NSMCE2: variants seen among roughly 807,000 people sequenced by gnomAD.
NSMCE2 encodes E3 SUMO-protein ligase NSE2.
In NSMCE2, 24 loss-of-function variants were observed where a neutral mutation model predicts 23.8. The observed-to-expected ratio is 1.01, with a 90% CI of 0.73 to 1.42. The LOEUF (loss-of-function observed/expected upper bound fraction) is 1.42. NSMCE2 is among the 40% of genes most tolerant of loss of function. The probability of loss-of-function intolerance (pLI) is 0.00; values close to 1 mark genes in which losing one functional copy is unlikely to be tolerated. For missense variants in NSMCE2, 284 were observed against 296.5 expected (o/e 0.96, Z 0.31); for synonymous variants, 92 against 94.1 (o/e 0.98, Z 0.13).
At chr8:125,366,118 G>A (rs10808543) in intron 7 of NSMCE2, among the ~76,000 whole-genome samples, 120,853 of 152,116 alleles carry the variant, frequency 0.79, 48,177 homozygotes, top group African/African-American at 0.85. Flanking sequence ...AGTCCAGCCA[G>A]TGAAGCTGTG....
At chr8:125,127,421 A>G (rs995869868) in intron 3 of NSMCE2, among the ~76,000 whole-genome samples, 1 of 152,226 alleles carries the variant, frequency 6.6e-6, no homozygotes, top group African/African-American at 2.4e-5. Flanking sequence ...TTTAAGAAAC[A>G]AAAGTATGTT....
At chr8:125,178,144 A>AT (rs1822586726) in intron 4 of NSMCE2, among the ~76,000 whole-genome samples, 1 of 151,948 alleles carries the variant, frequency 6.6e-6, no homozygotes, top group Non-Finnish European at 1.5e-5. Flanking sequence ...AATAGTAATC[A>AT]TTTTTTTTAA....
At chr8:125,309,465 GT>G (rs1462260280) in intron 5 of NSMCE2, among the ~76,000 whole-genome samples, 1 of 152,212 alleles carries the variant, frequency 6.6e-6, no homozygotes, top group African/African-American at 2.4e-5. Flanking sequence ...GCTTATGCCT[GT>G]AATCCCAGCA....
chr8:125,152,216 A>T (rs1457421076), intron 4 of NSMCE2, among the ~76,000 whole-genome samples: 2 of 152,170 alleles, frequency 1.3e-5, no homozygotes, highest in African/African-American at 4.8e-5. Flanking sequence ...CAGCTTGTAA[A>T]ATTTTGACGT....
intron 3 of NSMCE2, among the ~76,000 whole-genome samples, chr8:125,150,610 G>A (rs1820955240): frequency 6.6e-6 from 1 of 151,690 alleles, no homozygotes; most frequent in Non-Finnish European, 1.5e-5. Context: ...TTGAACTCCT[G>A]ACCTCAAGTG....
intron 4 of NSMCE2, among the ~76,000 whole-genome samples, chr8:125,152,578 C>T (rs1421409050): frequency 6.6e-6 from 1 of 152,102 alleles, no homozygotes; most frequent in African/African-American, 2.4e-5. Context: ...TTGCTTTGAC[C>T]CTTACATTAT....
At chr8:125,161,808 T>C (rs201780763) in intron 4 of NSMCE2, among the ~76,000 whole-genome samples, 1 of 137,576 alleles carries the variant, frequency 7.3e-6, no homozygotes, top group South Asian at 2.3e-4. Context: ...AAAAAAAAAA[T>C]CGGAAACGGT....
In NSMCE2 at chr8:125,156,624, T is replaced by C. The variant is rs139653991; in HGVS notation, c.264+5347T>C. 4.3e-3 allele frequency among the ~76,000 whole-genome samples: 648 copies of C among 152,362 alleles called. 4 individuals carry two copies. The highest frequency in any genetic ancestry group is 0.024 in the Middle Eastern group (7 of 294). On this transcript the variant is annotated intron_variant, in intron 4 of 7. Coordinates refer to ENST00000287437, the MANE Select transcript of NSMCE2 (RefSeq NM_173685.4). Reference sequence around the variant, plus strand: ...GCCCTATGTAGTGTGGTTTTTCACTTGATATGCTAACCTGAACATTTTATA... The same window carrying C: ...GCCCTATGTAGTGTGGTTTTTCACTCGATATGCTAACCTGAACATTTTATA...
chr8:125,341,480 G>A (rs570868151), intron 5 of NSMCE2, among the ~76,000 whole-genome samples: 5 of 152,252 alleles, frequency 3.3e-5, no homozygotes, highest in Admixed American at 6.5e-5. Flanking sequence ...TTGAAAATGC[G>A]AAGCAAGATC....
intron 3 of NSMCE2, among the ~76,000 whole-genome samples, chr8:125,129,843 A>T (rs1280194574): frequency 6.6e-6 from 1 of 152,094 alleles, no homozygotes; most frequent in African/African-American, 2.4e-5. Flanking sequence ...CCAAAGTTGT[A>T]GATAGTGGAG....
intron 5 of NSMCE2, among the ~76,000 whole-genome samples, chr8:125,299,302 A>C (rs533625437): frequency 2.0e-5 from 3 of 152,202 alleles, no homozygotes; most frequent in Admixed American, 6.5e-5. Context: ...GGAGCACTCT[A>C]TTCGTTTCTT....
chr8:125,290,587 G>A (rs1469889332), intron 5 of NSMCE2, among the ~76,000 whole-genome samples: 2 of 152,138 alleles, frequency 1.3e-5, no homozygotes, highest in Admixed American at 6.6e-5. Flanking sequence ...AGCCCAGACA[G>A]AATTAGAATC....
intron 5 of NSMCE2, among the ~76,000 whole-genome samples, chr8:125,277,224 A>G (rs1046031429): frequency 1.3e-5 from 2 of 152,086 alleles, no homozygotes; most frequent in Non-Finnish European, 2.9e-5. Flanking sequence ...GGGTTTATCA[A>G]CCATCCTTTT....
chr8:125,320,091 G>A (rs951851710), intron 5 of NSMCE2, among the ~76,000 whole-genome samples: 3 of 151,112 alleles, frequency 2.0e-5, no homozygotes, highest in Admixed American at 6.6e-5. Context: ...CAGGAAAATC[G>A]CTTGAACCCA....
intron 5 of NSMCE2, among the ~76,000 whole-genome samples, chr8:125,288,228 T>C (rs952573639): frequency 6.6e-6 from 1 of 152,240 alleles, no homozygotes; most frequent in Non-Finnish European, 1.5e-5. Context: ...CTCACCTTTA[T>C]GCTACTGCGT....
At chr8:125,133,757 C>T (rs1373359507) in intron 3 of NSMCE2, among the ~76,000 whole-genome samples, 1 of 151,040 alleles carries the variant, frequency 6.6e-6, no homozygotes, top group Non-Finnish European at 1.5e-5. Flanking sequence ...GAGCAAGACT[C>T]CATCTCAAAA....
At chr8:125,118,683 T>C (rs1259774108) in intron 3 of NSMCE2, among the ~76,000 whole-genome samples, 1 of 152,198 alleles carries the variant, frequency 6.6e-6, no homozygotes, top group Non-Finnish European at 1.5e-5. Context: ...ATCTCATGTA[T>C]ATAAAAAGTA....
chr8:125,233,964 C>A (rs1232102196), intron 5 of NSMCE2, among the ~76,000 whole-genome samples: 1 of 145,456 alleles, frequency 6.9e-6, no homozygotes, highest in African/African-American at 2.6e-5. Flanking sequence ...ATCATGAAGT[C>A]AGGAGATCGA....
chr8:125,197,764 C>G (rs944957370), intron 5 of NSMCE2, among the ~76,000 whole-genome samples: 2 of 152,168 alleles, frequency 1.3e-5, no homozygotes, highest in Non-Finnish European at 2.9e-5. Context: ...GGCATTGAAT[C>G]TATAAATTAC....
Sources: allele counts gnomAD v4.1 joint callset (sites outside exome capture counted in the v4.1 genomes callset), GRCh38; gene constraint gnomAD v4.1.1; transcripts MANE v1.5; gene names NCBI Gene and HGNC (gene_info 2026-07-23, HGNC 2026-07-21).